Variants in RASGRF1 observed in about 807,000 individuals in gnomAD.
The protein encoded by RASGRF1 is ras-specific guanine nucleotide-releasing factor 1.
In RASGRF1, 40 loss-of-function variants were observed where a neutral mutation model predicts 138.7. The observed-to-expected ratio is 0.29, with a 90% CI of 0.22 to 0.38. The LOEUF (loss-of-function observed/expected upper bound fraction) is 0.38, where lower values mean the gene tolerates loss of function less well. Among genes scored for constraint, RASGRF1 ranks in the 10% least tolerant of loss-of-function variants. The pLI, the probability that RASGRF1 is intolerant of heterozygous loss-of-function variation, is 1.00. For missense variants in RASGRF1, 1,108 were observed against 1,650.4 expected (o/e 0.67, Z 5.69); for synonymous variants, 614 against 663.2 (o/e 0.93, Z 1.14).
intron 17 of RASGRF1, 113 bp downstream of exon 17, chr15:78,999,630 T>C: frequency 1.5e-6 from 2 of 1,351,870 alleles, no homozygotes; most frequent in Admixed American, 4.1e-5. Flanking sequence ...GTGCCATCCT[T>C]AGCACACCTT....
rs930753263 is a variant in RASGRF1, at chr15:78,998,699, C to G, written c.2853+20G>C. ...GCCTGGTGGTCCCCAGCAGCCTGCC[C>G]AGGGAGGGCTCCCACCCACCTGAGA... On this transcript the variant is annotated intron_variant, in intron 18 of 26. Coordinates refer to ENST00000558480, the MANE Select transcript of RASGRF1 (RefSeq NM_001145648.3). 1.3e-6 allele frequency: 2 copies of G among 1,596,160 alleles called. No homozygotes were observed. Among genetic ancestry groups the G allele is most frequent in the Non-Finnish European group, 1.7e-6 (2 of 1,164,014 alleles).
rs1163749406 is a variant in RASGRF1, at chr15:78,985,068, G to A, written c.3353C>T (p.Ser1118Leu). 1 of 1,614,108 alleles carries A rather than the reference G, an allele frequency of 6.2e-7. No homozygotes were observed. The highest frequency in any genetic ancestry group is 8.5e-7 in the Non-Finnish European group (1 of 1,180,016). ...GAAGATTGCACTGCGGTTCATGGACGAGGTGATCTCCAGTACGGCATTGTA... is the reference window on the plus strand; with the variant it reads ...GAAGATTGCACTGCGGTTCATGGACAAGGTGATCTCCAGTACGGCATTGTA... ...HNYNAVLEIT[S>L]SMNRSAIFRL... Residue 1118 changes from serine (S) to leucine (L), a missense_variant, in exon 23 of 27, where the codon TCG becomes TTG. Ser to Leu is a moderately radical substitution (Grantham distance 145, BLOSUM62 -2). This residue lies in a region of RASGRF1 where 686 missense variants were observed against 976.7 expected (regional missense o/e 0.70). Transcript: ENST00000558480.
intron 9 of RASGRF1, 146 bp from the exon 10 acceptor site, chr15:79,025,620 C>T: frequency 3.1e-6 from 3 of 958,028 alleles, no homozygotes; most frequent in Non-Finnish European, 4.6e-6. Flanking sequence ...TGGGATACTC[C>T]TTTAGGCCTC....
chr15:79,058,400 G>C lies in RASGRF1; in HGVS notation c.465C>G (p.Thr155=), dbSNP rs777525485. ...TCTGCTGCCGAAGCTGCTTGGCCAC[G>C]GTCTTCTCTGTCTCCACGATCTGCA... is the stretch of plus-strand genomic sequence containing the variant. ...HLLQIVETEK[T]VAKQLRQQIE... is the part of the protein sequence containing the mutation. Residue 155 remains threonine (T), a synonymous_variant, in exon 3 of 27, where the codon ACC becomes ACG. Coordinates refer to ENST00000558480, the MANE Select transcript of RASGRF1 (RefSeq NM_001145648.3). The C allele has an allele frequency of 5.6e-6, 9 of 1,613,980 alleles. No individual in the cohort carries two copies. The highest frequency in any genetic ancestry group is 1.3e-5 in the African/African-American group (1 of 74,920).
chr15:79,070,716 A>AC (rs2057744102), intron 1 of RASGRF1, among the ~76,000 whole-genome samples: 1 of 152,200 alleles, frequency 6.6e-6, no homozygotes, highest in Non-Finnish European at 1.5e-5. Context: ...GCAAGCAAGC[A>AC]TCCAATGCAT....
chr15:79,014,487 G>C (rs1299254209), intron 13 of RASGRF1, among the ~76,000 whole-genome samples: 1 of 152,288 alleles, frequency 6.6e-6, no homozygotes, highest in East Asian at 1.9e-4. Context: ...AATAACTCAG[G>C]GATGGAAAAC....
intron 2 of RASGRF1, among the ~76,000 whole-genome samples, 177 bp downstream of exon 2, chr15:79,064,243 G>A (rs1253497630): frequency 1.3e-5 from 2 of 152,208 alleles, no homozygotes; most frequent in Non-Finnish European, 2.9e-5. Context: ...GTGGCACTGA[G>A]AGGCTCATCC....
At chr15:78,999,246 G>A (rs1043648059) in intron 17 of RASGRF1, among the ~76,000 whole-genome samples, 26 of 152,298 alleles carry the variant, frequency 1.7e-4, no homozygotes, top group African/African-American at 5.8e-4. Context: ...GTAGAAGCTG[G>A]CCAAGTAGCA....
chr15:79,087,223 A>G (rs1349884892), intron 1 of RASGRF1, among the ~76,000 whole-genome samples: 1 of 152,178 alleles, frequency 6.6e-6, no homozygotes, highest in African/African-American at 2.4e-5. Context: ...ACCCTTATCT[A>G]TGTCTGTCTT....
intron 5 of RASGRF1, among the ~76,000 whole-genome samples, chr15:79,035,998 C>A (rs968940150): frequency 1.5e-4 from 23 of 152,234 alleles, no homozygotes; most frequent in Non-Finnish European, 2.9e-4. Context: ...GGGCTGGGTA[C>A]AGGCAGCCAC....
At chr15:78,998,674 G>T in intron 18 of RASGRF1, 45 bp downstream of exon 18, 1 of 1,501,800 alleles carries the variant, frequency 6.7e-7, no homozygotes, top group South Asian at 1.1e-5. Context: ...TGGGGCCATT[G>T]CCTGGTGGTC....
In RASGRF1 at chr15:79,019,549, C is replaced by T. The variant is rs1161175857; in HGVS notation, c.1606+492G>A. On this transcript the variant is annotated intron_variant, in intron 11 of 26. Transcript: ENST00000558480. Reference sequence around the variant, plus strand: ...TCTCAGGACCCTCAGCCCTGCAATCCCTCTGTCAGTGGCCCCTGCACATTC... The same window carrying T: ...TCTCAGGACCCTCAGCCCTGCAATCTCTCTGTCAGTGGCCCCTGCACATTC... 1.2e-4 allele frequency among the ~76,000 whole-genome samples: 19 copies of T among 152,318 alleles called. No individual in the cohort carries two copies. The East Asian group carries it at 3.5e-3, about 28-fold the overall frequency.
intron 6 of RASGRF1, among the ~76,000 whole-genome samples, chr15:79,034,681 A>C (rs1164646376): frequency 8.5e-6 from 1 of 117,578 alleles, no homozygotes; most frequent in Non-Finnish European, 2.0e-5. Flanking sequence ...TAAGTAAAAG[A>C]AAAAAAAAAC....
chr15:79,048,186 G>A (rs1226171406), intron 4 of RASGRF1, among the ~76,000 whole-genome samples: 1 of 152,218 alleles, frequency 6.6e-6, no homozygotes, highest in Non-Finnish European at 1.5e-5. Context: ...GGTGGGACTT[G>A]ACTCAGACCT....
intron 12 of RASGRF1, among the ~76,000 whole-genome samples, chr15:79,017,252 C>A (rs1248256912): frequency 1.3e-5 from 2 of 152,180 alleles, no homozygotes; most frequent in Non-Finnish European, 2.9e-5. Flanking sequence ...CTAAATCTTC[C>A]GTGTGCATAA....
Position 79,058,454 on chromosome 15 carries a change from C to T in RASGRF1, c.411G>A (p.Glu137=). 1 of 1,614,216 alleles carries T rather than the reference C, an allele frequency of 6.2e-7. No individual in the cohort carries two copies. Among genetic ancestry groups the T allele is most frequent in the Non-Finnish European group, 8.5e-7 (1 of 1,180,032 alleles). Residue 137 remains glutamate (E), a synonymous_variant, in exon 3 of 27, where the codon GAG becomes GAA. Transcript: ENST00000558480. ...GGTGCAGGTATTTCTGCATTAATGCCTCATGCTCTGTGGCGAGGGTCCTGT... is the reference window on the plus strand; with the variant it reads ...GGTGCAGGTATTTCTGCATTAATGCTTCATGCTCTGTGGCGAGGGTCCTGT... ...ASYRTLATEH[E]ALMQKYLHLL...
At chr15:78,971,779 G>C in intron 26 of RASGRF1, 87 bp downstream of exon 26, 4 of 1,221,466 alleles carry the variant, frequency 3.3e-6, no homozygotes, top group Non-Finnish European at 4.9e-6. Flanking sequence ...AGGGAAAGTG[G>C]ACGGGTATGG....
At chr15:79,081,060 T>C (rs1254889902) in intron 1 of RASGRF1, among the ~76,000 whole-genome samples, 5 of 152,262 alleles carry the variant, frequency 3.3e-5, no homozygotes. Context: ...CTTTGTAATC[T>C]GAAAAGGTGC....
intron 13 of RASGRF1, among the ~76,000 whole-genome samples, chr15:79,009,164 T>C (rs903111102): frequency 5.9e-5 from 9 of 152,204 alleles, no homozygotes. Flanking sequence ...TGATATCTGA[T>C]AGGACCTCAC....
Sources: gnomAD v4.1 joint callset for allele counts (sites outside exome capture counted in the v4.1 genomes callset) on GRCh38, gnomAD v4.1.1 for gene constraint, gnomAD v4.1.1 regional missense constraint, MANE v1.5 for transcripts, NCBI Gene and HGNC (gene_info 2026-07-23, HGNC 2026-07-21) for gene names.